LTBP1: variants seen among roughly 807,000 people sequenced by gnomAD.
LTBP1 encodes the protein latent transforming growth factor beta binding protein 1.
In LTBP1, 129 loss-of-function variants were observed where a neutral mutation model predicts 207.6. That is an observed-to-expected ratio of 0.62 (90% CI 0.54 to 0.72). The LOEUF (loss-of-function observed/expected upper bound fraction) is 0.72. LTBP1 is among the 30% of genes least tolerant of loss of function. The pLI is 0.00. For synonymous variants in LTBP1, 963 were observed against 833.7 expected (o/e 1.16, Z -2.67); for missense variants, 2,281 against 2,217.2 (o/e 1.03, Z -0.58).
At chr2:33,269,878 G>A (rs1323993704) in intron 15 of LTBP1, among the ~76,000 whole-genome samples, 1 of 151,534 alleles carries the variant, frequency 6.6e-6, no homozygotes, top group Non-Finnish European at 1.5e-5. Context: ...GAAAAGGAGA[G>A]AAAACACAGG....
chr2:33,269,927 A>G (rs2093277138), intron 15 of LTBP1, among the ~76,000 whole-genome samples: 1 of 151,494 alleles, frequency 6.6e-6, no homozygotes, highest in Non-Finnish European at 1.5e-5. Context: ...GTTTTAAAGT[A>G]TAAGTACCAG....
At position 33,398,723 on chromosome 2, in the gene LTBP1, A is replaced by C. The variant is rs991381163; in HGVS notation, c.*178A>C. On this transcript the variant is annotated 3_prime_UTR_variant, in exon 34 of 34. Transcript: ENST00000404816. ...TTAGGATGAGCCCGATAGGTGTGGCAGACCAAATGGACATTTCTCTAAAAA... is the reference window on the plus strand; with the variant it reads ...TTAGGATGAGCCCGATAGGTGTGGCCGACCAAATGGACATTTCTCTAAAAA... 1.9e-6 allele frequency: 1 copy of C among 522,402 alleles called. No individual in the cohort carries two copies. The highest frequency in any genetic ancestry group is 3.7e-5 in the Admixed American group (1 of 27,212). The allele number at this position is 522,402 out of a possible 1,614,324, so 32.4% of individuals were successfully genotyped here.
At position 33,215,716 on chromosome 2, in the gene LTBP1, G is replaced by GTTTTTT. The variant is rs1287189048; in HGVS notation, c.1702-1835_1702-1830dup. Reference sequence around the variant, plus strand: ...GCTAAACTTCCATTGGTTTTCTTTTGTTTTTTGTTTTTTTTTTTTGAGATA... The same window carrying GTTTTTT: ...GCTAAACTTCCATTGGTTTTCTTTTGTTTTTTTTTTTTGTTTTTTTTTTTTGAGATA... On this transcript the variant is annotated intron_variant, in intron 7 of 33. Transcript: ENST00000404816. Among the ~76,000 whole-genome samples the GTTTTTT allele has an allele frequency of 5.5e-4, 77 of 139,042 alleles. 1 individual carries two copies. The highest frequency in any genetic ancestry group is 1.9e-3 in the African/African-American group (69 of 36,984). The allele number at this position is 139,042 out of a possible 152,430, so 91.2% of individuals were successfully genotyped here. A position where few individuals can be genotyped will look rare whatever the true frequency, so the allele number is the denominator to read the frequency against.
At chr2:33,050,063 C>T (rs1421198611) in intron 3 of LTBP1, among the ~76,000 whole-genome samples, 3 of 151,682 alleles carry the variant, frequency 2.0e-5, no homozygotes, top group Admixed American at 6.6e-5. Flanking sequence ...AGGTTGGTCT[C>T]GAACTCCCGG....
intron 5 of LTBP1, among the ~76,000 whole-genome samples, chr2:33,158,920 A>G (rs4641915): frequency 0.015 from 2,319 of 152,310 alleles, 23 homozygotes; most frequent in East Asian, 0.027. Flanking sequence ...TTTCTGTGAT[A>G]CTGTTGACAC....
chr2:33,328,283 G>A (rs963884986), intron 24 of LTBP1, among the ~76,000 whole-genome samples: 7 of 151,982 alleles, frequency 4.6e-5, no homozygotes, highest in Non-Finnish European at 8.8e-5. Flanking sequence ...AAACTTCCTC[G>A]TGATTATTCC....
At chr2:33,101,693 A>T (rs555790075) in intron 3 of LTBP1, among the ~76,000 whole-genome samples, 3 of 152,316 alleles carry the variant, frequency 2.0e-5, no homozygotes, top group Admixed American at 1.3e-4. Flanking sequence ...TGTATTAGTT[A>T]GGTTTTCTCT....
intron 7 of LTBP1, among the ~76,000 whole-genome samples, chr2:33,216,234 G>C (rs561553467): frequency 6.6e-6 from 1 of 152,202 alleles, no homozygotes; most frequent in Non-Finnish European, 1.5e-5. Context: ...TAAAAAGGAG[G>C]GAGGAACTCA....
chr2:33,312,090 G>A lies in LTBP1; in HGVS notation c.3604+2534G>A, dbSNP rs530873643. Among the ~76,000 whole-genome samples, 8 of 152,194 alleles carry A rather than the reference G, an allele frequency of 5.3e-5. No homozygotes were observed. In the East Asian group the frequency reaches 1.2e-3, roughly 22 times the overall value. On this transcript the variant is annotated intron_variant, in intron 23 of 33. Coordinates refer to ENST00000404816, the MANE Select transcript of LTBP1 (RefSeq NM_206943.4). ...ACCTCGTTTTGAATTATCCCTTTTCGCTCTTTCACTAGAGGCAGTTTTGTG... is the reference window on the plus strand; with the variant it reads ...ACCTCGTTTTGAATTATCCCTTTTCACTCTTTCACTAGAGGCAGTTTTGTG...
intron 2 of LTBP1, among the ~76,000 whole-genome samples, chr2:32,996,436 A>G (rs959798286): frequency 1.3e-5 from 2 of 152,120 alleles, no homozygotes; most frequent in Non-Finnish European, 2.9e-5. Context: ...ATTTCAACAT[A>G]TGAATTTTGG....
chr2:33,046,800 G>C (rs993691511), intron 3 of LTBP1, among the ~76,000 whole-genome samples: 1 of 151,816 alleles, frequency 6.6e-6, no homozygotes, highest in African/African-American at 2.4e-5. Flanking sequence ...ACTTGTTATT[G>C]GTCTATTCAG....
intron 24 of LTBP1, among the ~76,000 whole-genome samples, chr2:33,319,325 G>A (rs1038379276): frequency 1.3e-5 from 2 of 151,890 alleles, no homozygotes; most frequent in African/African-American, 4.8e-5. Context: ...TTGTACCCAG[G>A]AGGCAGAGGT....
Position 33,110,585 on chromosome 2 carries a change from G to A in LTBP1, c.867G>A (p.Val289=), listed in dbSNP as rs1333337842. The A allele has an allele frequency of 1.2e-6, 2 of 1,612,258 alleles. No individual in the cohort carries two copies. The highest frequency in any genetic ancestry group is 2.2e-5 in the East Asian group (1 of 44,878). Reference sequence around the variant, plus strand: ...TCTTTATTTTGTTTCTTCCCAGAGTGACTCCTCTTTCTTCCCAGAGTGTGG... The same window carrying A: ...TCTTTATTTTGTTTCTTCCCAGAGTAACTCCTCTTTCTTCCCAGAGTGTGG... ...VGLPQQIHSQ[V]TPLSSQSVVI... is the part of the protein sequence containing the mutation. Residue 289 remains valine, a synonymous_variant, in exon 4 of 34, where the codon GTG becomes GTA. Transcript: ENST00000404816.
chr2:33,243,991 G>A (rs1173664014), intron 10 of LTBP1, among the ~76,000 whole-genome samples: 1 of 152,096 alleles, frequency 6.6e-6, no homozygotes, highest in Non-Finnish European at 1.5e-5. Flanking sequence ...TTATTGTGGT[G>A]ATAAAAATAT....
chr2:33,075,497 T>C (rs2078032873), intron 3 of LTBP1, among the ~76,000 whole-genome samples: 1 of 152,254 alleles, frequency 6.6e-6, no homozygotes, highest in Admixed American at 6.5e-5. Context: ...AAACCATCTA[T>C]TTGTTGGTCC....
intron 32 of LTBP1, among the ~76,000 whole-genome samples, chr2:33,396,025 T>C (rs902109808): frequency 2.4e-4 from 36 of 151,920 alleles, no homozygotes; most frequent in Admixed American, 2.4e-3. Context: ...CTCTGCAAAA[T>C]GAGAGCTAAA....
intron 3 of LTBP1, among the ~76,000 whole-genome samples, chr2:33,043,217 T>A (rs984667825): frequency 2.0e-5 from 3 of 152,162 alleles, no homozygotes. Flanking sequence ...TAGGTATACA[T>A]TAAAGTAGTG....
chr2:33,038,225 A>T (rs1447441723), intron 3 of LTBP1, among the ~76,000 whole-genome samples: 3 of 152,244 alleles, frequency 2.0e-5, no homozygotes, highest in African/African-American at 7.2e-5. Context: ...CCTGAGATTT[A>T]TGCTGTTGCT....
chr2:33,117,229 G>T (rs891104166), intron 4 of LTBP1, among the ~76,000 whole-genome samples: 4 of 152,186 alleles, frequency 2.6e-5, no homozygotes, highest in Non-Finnish European at 5.9e-5. Context: ...GAGAAGTACG[G>T]CTGCTTTGGA....
Sources: allele counts gnomAD v4.1 joint callset (sites outside exome capture counted in the v4.1 genomes callset), GRCh38; gene constraint gnomAD v4.1.1; transcripts MANE v1.5; gene names NCBI Gene and HGNC (gene_info 2026-07-23, HGNC 2026-07-21).